Variants in CHRM5 observed in about 807,000 individuals in gnomAD.
CHRM5 encodes the protein muscarinic acetylcholine receptor M5.
In CHRM5, 18 loss-of-function variants were observed where a neutral mutation model predicts 39.0. The observed-to-expected ratio is 0.46, with a 90% confidence interval of 0.32 to 0.68. The LOEUF (loss-of-function observed/expected upper bound fraction) is 0.68, where lower values mean the gene tolerates loss of function less well. Among genes scored for constraint, CHRM5 ranks in the 30% least tolerant of loss-of-function variants. The probability of loss-of-function intolerance (pLI) is 0.04; values close to 1 mark genes in which losing one functional copy is unlikely to be tolerated. For synonymous variants in CHRM5, 241 were observed against 246.3 expected (o/e 0.98, Z 0.20); for missense variants, 515 against 651.1 (o/e 0.79, Z 2.28).
chr15:34,038,401 G>T (rs1192476815), intron 1 of CHRM5, among the ~76,000 whole-genome samples: 2 of 152,188 alleles, frequency 1.3e-5, no homozygotes, highest in African/African-American at 4.8e-5. Flanking sequence ...GGACCACGTC[G>T]TGGCCGCGCC....
chr15:34,067,234 A>G lies in CHRM5; in HGVS notation c.*2918A>G, dbSNP rs1055453766. On this transcript the variant is annotated 3_prime_UTR_variant, in exon 3 of 3. Coordinates refer to ENST00000383263, the MANE Select transcript of CHRM5 (RefSeq NM_012125.4). ...CATTCAATTTTTGGTTGAACAAAGC[A>G]TTTTGTCAATATTCTCAGCTTTTGC... 6.6e-6 allele frequency: 1 copy of G among 152,204 alleles called. No individual in the cohort carries two copies. The highest frequency in any genetic ancestry group is 2.4e-5 in the African/African-American group (1 of 41,442). 9.4% of individuals were successfully genotyped at this position (152,204 alleles called of 1,614,324 possible). A position where few individuals can be genotyped will look rare whatever the true frequency, so the allele number is the denominator to read the frequency against.
intron 1 of CHRM5, among the ~76,000 whole-genome samples, chr15:34,021,459 A>G (rs1898196456): frequency 1.3e-5 from 2 of 151,862 alleles, no homozygotes; most frequent in South Asian, 4.2e-4. Flanking sequence ...CTAAGTTTGT[A>G]TTTTTAGTAT....
At chr15:33,972,701 T>C (rs539832380) in intron 1 of CHRM5, among the ~76,000 whole-genome samples, 76 of 152,304 alleles carry the variant, frequency 5.0e-4, no homozygotes, top group African/African-American at 1.6e-3. Context: ...CATAGGCATA[T>C]ACAGACCTCT....
At chr15:34,008,655 A>AT (rs35941395) in intron 1 of CHRM5, among the ~76,000 whole-genome samples, 40,089 of 148,304 alleles carry the variant, frequency 0.27, 6,371 homozygotes, top group African/African-American at 0.46. Flanking sequence ...TGGCAGGCTA[A>AT]TTTTTTGTAT....
At chr15:34,001,286 T>C (rs1190412930) in intron 1 of CHRM5, among the ~76,000 whole-genome samples, 11 of 152,080 alleles carry the variant, frequency 7.2e-5, no homozygotes. Flanking sequence ...CCTCCCAAAG[T>C]GCTGGGATTA....
At chr15:33,985,953 A>T (rs1896429405) in intron 1 of CHRM5, among the ~76,000 whole-genome samples, 1 of 152,302 alleles carries the variant, frequency 6.6e-6, no homozygotes, top group South Asian at 2.1e-4. Flanking sequence ...CAGGTGCCTG[A>T]TATCTCTCTG....
In CHRM5 at chr15:34,003,038, A is replaced by G. The variant is rs1230414370; in HGVS notation, c.-408+33888A>G. On this transcript the variant is annotated intron_variant, in intron 1 of 2. Transcript: ENST00000383263. ...ATGCAACTGGAATTCATACCTGCAGAGCTAAGGAGGACACTGAAATCTGTT... is the reference window on the plus strand; with the variant it reads ...ATGCAACTGGAATTCATACCTGCAGGGCTAAGGAGGACACTGAAATCTGTT... 4.3e-6 allele frequency: 7 copies of G among 1,612,792 alleles called. No homozygotes were observed. The highest frequency in any genetic ancestry group is 5.9e-6 in the Non-Finnish European group (7 of 1,179,512).
Position 34,049,535 on chromosome 15 carries a change from T to C in CHRM5, c.-76+2664T>C, listed in dbSNP as rs1845058021. On this transcript the variant is annotated intron_variant, in intron 2 of 2. Coordinates refer to ENST00000383263, the MANE Select transcript of CHRM5 (RefSeq NM_012125.4). Reference sequence around the variant, plus strand: ...AAGAATGAAAAGGATCATGGGATTATGTAAAGCAAAACCCATGACTGATTG... The same window carrying C: ...AAGAATGAAAAGGATCATGGGATTACGTAAAGCAAAACCCATGACTGATTG... Among the ~76,000 whole-genome samples the C allele has an allele frequency of 2.0e-5, 3 of 152,148 alleles. No individual in the cohort carries two copies. In the South Asian group the frequency reaches 6.2e-4, roughly 32 times the overall value.
At chr15:34,017,378 C>A (rs553829401) in intron 1 of CHRM5, among the ~76,000 whole-genome samples, 1 of 151,912 alleles carries the variant, frequency 6.6e-6, no homozygotes, top group Non-Finnish European at 1.5e-5. Context: ...GAGAAAATAT[C>A]AATCACCTAA....
chr15:33,989,013 C>A (rs372392676), intron 1 of CHRM5, among the ~76,000 whole-genome samples: 1 of 151,838 alleles, frequency 6.6e-6, no homozygotes, highest in Non-Finnish European at 1.5e-5. Flanking sequence ...TAAACCATTT[C>A]TCAGGCTTCT....
chr15:33,977,051 G>A (rs1440001670), intron 1 of CHRM5, among the ~76,000 whole-genome samples: 1 of 152,140 alleles, frequency 6.6e-6, no homozygotes, highest in Non-Finnish European at 1.5e-5. Flanking sequence ...TTATGGCAAG[G>A]TTAATATCTT....
At chr15:33,981,763 G>A (rs888092214) in intron 1 of CHRM5, among the ~76,000 whole-genome samples, 7 of 152,156 alleles carry the variant, frequency 4.6e-5, no homozygotes, top group Admixed American at 4.6e-4. Flanking sequence ...TACTAACACT[G>A]AAGGGCTATT....
intron 1 of CHRM5, among the ~76,000 whole-genome samples, chr15:33,986,253 C>A (rs1896462204): frequency 6.6e-6 from 1 of 151,940 alleles, no homozygotes. Context: ...ACTACAGGCA[C>A]CTGCCACCAC....
chr15:34,015,489 A>T (rs1419227909), intron 1 of CHRM5, among the ~76,000 whole-genome samples: 2 of 116,436 alleles, frequency 1.7e-5, no homozygotes, highest in Non-Finnish European at 3.5e-5. Context: ...CTCAAAAAAT[A>T]AAAAAAAATA....
At chr15:33,981,130 T>A (rs926208703) in intron 1 of CHRM5, among the ~76,000 whole-genome samples, 17 of 152,156 alleles carry the variant, frequency 1.1e-4, no homozygotes, top group Non-Finnish European at 1.9e-4. Context: ...CTCTCAAAAT[T>A]GTGGAGAGAA....
intron 1 of CHRM5, among the ~76,000 whole-genome samples, chr15:34,001,252 C>T (rs1021600462): frequency 1.3e-4 from 20 of 152,094 alleles, no homozygotes; most frequent in African/African-American, 4.6e-4. Flanking sequence ...GAACTCCTGA[C>T]CTCAGGCAAT....
At chr15:33,986,654 GT>G (rs1896485171) in intron 1 of CHRM5, among the ~76,000 whole-genome samples, 1 of 151,740 alleles carries the variant, frequency 6.6e-6, no homozygotes. Context: ...TCTATATCAG[GT>G]TTTTGTTTTT....
At chr15:33,999,231 G>A (rs1377225954) in intron 1 of CHRM5, among the ~76,000 whole-genome samples, 1 of 152,190 alleles carries the variant, frequency 6.6e-6, no homozygotes. Flanking sequence ...TTCACTGGCT[G>A]AGTCCCCTCA....
intron 1 of CHRM5, chr15:34,039,154 G>A (rs1899339485): frequency 3.2e-6 from 3 of 949,252 alleles, no homozygotes; most frequent in Non-Finnish European, 3.8e-6. Context: ...AAAGGCGCCC[G>A]GTAGCAGCGA....
Sources: gnomAD v4.1 joint callset for allele counts (sites outside exome capture counted in the v4.1 genomes callset) on GRCh38, gnomAD v4.1.1 for gene constraint, MANE v1.5 for transcripts, NCBI Gene and HGNC (gene_info 2026-07-23, HGNC 2026-07-21) for gene names.